The following ETV6 variants were observed in gnomAD, a reference collection of about 807,000 sequenced individuals.
The protein encoded by ETV6 is ETS variant transcription factor 6.
A neutral mutation model predicts 51.1 loss-of-function variants in ETV6; 16 were observed. The observed-to-expected ratio is 0.31, with a 90% confidence interval of 0.21 to 0.48. ETV6 has a LOEUF of 0.48. ETV6 is among the 20% of genes least tolerant of loss of function. The pLI is 0.99. For synonymous variants in ETV6, 240 were observed against 224.1 expected, an observed-to-expected ratio of 1.07 and a Z score of -0.64; for missense variants, 458 against 594.8, an observed-to-expected ratio of 0.77 and a Z score of 2.39.
chr12:11,844,893 G>A (rs992891250), intron 3 of ETV6, among the ~76,000 whole-genome samples: 19 of 151,520 alleles, frequency 1.3e-4, no homozygotes, highest in East Asian at 3.9e-4. Context: ...GTGCAGTGCC[G>A]TGATCTCGGC....
intron 1 of ETV6, among the ~76,000 whole-genome samples, chr12:11,690,290 G>A (rs1040059890): frequency 3.6e-4 from 55 of 151,936 alleles, no homozygotes; most frequent in Non-Finnish European, 6.3e-4. Flanking sequence ...GTCCTTACAA[G>A]ACACCTGTCT....
At chr12:11,690,356 T>G (rs748337836) in intron 1 of ETV6, among the ~76,000 whole-genome samples, 1 of 152,106 alleles carries the variant, frequency 6.6e-6, no homozygotes, top group African/African-American at 2.4e-5. Flanking sequence ...CATTTTTTTG[T>G]TGTTTCTCTT....
intron 1 of ETV6, among the ~76,000 whole-genome samples, chr12:11,650,402 A>G (rs1393552191): frequency 8.4e-6 from 1 of 118,568 alleles, no homozygotes; most frequent in East Asian, 2.7e-4. Context: ...GCTTTTTGAC[A>G]ATGAAATGCC....
At chr12:11,703,728 G>C (rs906143762) in intron 1 of ETV6, among the ~76,000 whole-genome samples, 1 of 152,222 alleles carries the variant, frequency 6.6e-6, no homozygotes, top group Non-Finnish European at 1.5e-5. Flanking sequence ...AGCAGATGTG[G>C]AGTTTCCTTC....
At chr12:11,702,561 C>A (rs918434690) in intron 1 of ETV6, among the ~76,000 whole-genome samples, 1 of 151,780 alleles carries the variant, frequency 6.6e-6, no homozygotes, top group African/African-American at 2.4e-5. Flanking sequence ...GAGAAGTATC[C>A]CCCCCATCCC....
chr12:11,761,550 A>G (rs1048030621), intron 2 of ETV6, among the ~76,000 whole-genome samples: 5 of 152,270 alleles, frequency 3.3e-5, no homozygotes, highest in African/African-American at 4.8e-5. Context: ...TACACCTTAA[A>G]ACACTGAACT....
intron 4 of ETV6, among the ~76,000 whole-genome samples, chr12:11,858,384 C>T (rs1209709489): frequency 1.5e-5 from 2 of 133,552 alleles, no homozygotes; most frequent in African/African-American, 5.0e-5. Flanking sequence ...TGGGTTTTAT[C>T]CCCTTAAATA....
chr12:11,752,753 A>T, intron 2 of ETV6, 174 bp downstream of exon 2: 1 of 665,652 alleles, frequency 1.5e-6, no homozygotes, highest in Non-Finnish European at 2.3e-6. Flanking sequence ...GAAAAATTTG[A>T]GGTTCCTGTT....
chr12:11,734,701 C>G (rs994946803), intron 1 of ETV6, among the ~76,000 whole-genome samples: 1 of 152,132 alleles, frequency 6.6e-6, no homozygotes, highest in South Asian at 2.1e-4. Flanking sequence ...TCCTCAGAAT[C>G]TTATGCAGTA....
Position 11,789,677 on chromosome 12 carries a change from G to C in ETV6, c.163+37098G>C, listed in dbSNP as rs542155047. On this transcript the variant is annotated intron_variant, in intron 2 of 7. Coordinates refer to ENST00000396373, the MANE Select transcript of ETV6 (RefSeq NM_001987.5). ...CTTGATAGATTATTTCCTCATACTT[G>C]ATAGATTATTTGTCTTACTGTATGA... Among the ~76,000 whole-genome samples the C allele has an allele frequency of 2.0e-5, 3 of 152,210 alleles. No homozygotes were observed. The South Asian group carries it at 6.2e-4, about 32-fold the overall frequency.
At chr12:11,759,998 C>T (rs1191222808) in intron 2 of ETV6, among the ~76,000 whole-genome samples, 1 of 152,198 alleles carries the variant, frequency 6.6e-6, no homozygotes, top group East Asian at 1.9e-4. Flanking sequence ...TTAGCAGCGA[C>T]GTTTAGATGT....
intron 1 of ETV6, among the ~76,000 whole-genome samples, chr12:11,656,758 G>A (rs1195639933): frequency 5.3e-5 from 8 of 152,152 alleles, no homozygotes; most frequent in African/African-American, 1.2e-4. Flanking sequence ...CATCCTGCCC[G>A]GCCTCGGGCT....
chr12:11,831,579 TAAGAA>T (rs1946246968), intron 2 of ETV6, among the ~76,000 whole-genome samples: 1 of 152,018 alleles, frequency 6.6e-6, no homozygotes, highest in South Asian at 2.1e-4. Flanking sequence ...GAATGAGAAA[TAAGAA>T]AGAAAAAAGG....
At chr12:11,767,129 C>G (rs1259927596) in intron 2 of ETV6, among the ~76,000 whole-genome samples, 1 of 152,186 alleles carries the variant, frequency 6.6e-6, no homozygotes, top group African/African-American at 2.4e-5. Flanking sequence ...AAAAAAGGCA[C>G]AGGCTTTGAA....
intron 1 of ETV6, among the ~76,000 whole-genome samples, chr12:11,668,920 G>A (rs573523074): frequency 4.6e-5 from 7 of 152,296 alleles, no homozygotes; most frequent in Admixed American, 2.0e-4. Flanking sequence ...GCAGCTGCCC[G>A]TCTGCTCCTG....
At chr12:11,747,612 C>T (rs1415670624) in intron 1 of ETV6, among the ~76,000 whole-genome samples, 2 of 152,166 alleles carry the variant, frequency 1.3e-5, no homozygotes, top group South Asian at 2.1e-4. Flanking sequence ...TTTGCATCTT[C>T]TCTCAAATTC....
chr12:11,877,658 A>G (rs1339124813), intron 5 of ETV6, among the ~76,000 whole-genome samples: 2 of 152,120 alleles, frequency 1.3e-5, no homozygotes, highest in African/African-American at 4.8e-5. Context: ...GAGCTCCTGG[A>G]GACAGATGGC....
intron 2 of ETV6, among the ~76,000 whole-genome samples, chr12:11,778,258 G>T (rs1296156826): frequency 1.3e-5 from 2 of 152,236 alleles, no homozygotes; most frequent in Non-Finnish European, 2.9e-5. Flanking sequence ...GCACGTGGCA[G>T]GTCCTCCGTG....
intron 2 of ETV6, among the ~76,000 whole-genome samples, chr12:11,807,126 C>A (rs1160096559): frequency 6.6e-6 from 1 of 152,182 alleles, no homozygotes; most frequent in Non-Finnish European, 1.5e-5. Context: ...GTAAAGTTAT[C>A]CATGAAAAGA....
Sources: gnomAD v4.1 joint callset for allele counts (sites outside exome capture counted in the v4.1 genomes callset) on GRCh38, gnomAD v4.1.1 for gene constraint, MANE v1.5 for transcripts, NCBI Gene and HGNC (gene_info 2026-07-23, HGNC 2026-07-21) for gene names.